WNT3A: variants seen among roughly 807,000 people sequenced by gnomAD.
WNT3A encodes the protein Wnt family member 3A, also known as protein Wnt-3a.
WNT3A carries 17 observed loss-of-function variants against 37.0 expected under a neutral mutation model. The ratio of observed to expected loss-of-function variants is 0.46; its 90% CI spans 0.31 to 0.69. WNT3A has a LOEUF of 0.69. Ranked by LOEUF, WNT3A falls within the 30% of genes least tolerant of loss-of-function variation. WNT3A has a pLI of 0.05. For synonymous variants in WNT3A, 187 were observed against 211.0 expected, an observed-to-expected ratio of 0.89 and a Z score of 0.99; for missense variants, 411 against 510.2, an observed-to-expected ratio of 0.81 and a Z score of 1.87.
intron 2 of WNT3A, among the ~76,000 whole-genome samples, chr1:228,026,844 C>CTTTAT (rs1203155551): frequency 6.6e-6 from 1 of 152,080 alleles, no homozygotes; most frequent in East Asian, 1.9e-4. Flanking sequence ...ACCACATTTT[C>CTTTAT]TTTATTTTAT....
intron 2 of WNT3A, among the ~76,000 whole-genome samples, chr1:228,048,202 C>G (rs2031468119): frequency 6.6e-6 from 1 of 152,214 alleles, no homozygotes; most frequent in Non-Finnish European, 1.5e-5. Context: ...CTCCTTCTAT[C>G]CCCATAGAGA....
At chr1:228,049,061 C>T (rs750859031) in intron 2 of WNT3A, among the ~76,000 whole-genome samples, 1 of 152,244 alleles carries the variant, frequency 6.6e-6, no homozygotes, top group Non-Finnish European at 1.5e-5. Context: ...CAGCGGCAGA[C>T]ACCCTGCAGC....
chr1:228,058,895 C>A, intron 3 of WNT3A, 91 bp from the exon 4 acceptor site: 1 of 1,298,436 alleles, frequency 7.7e-7, no homozygotes, highest in Non-Finnish European at 1.0e-6. Flanking sequence ...CTTTATGGAG[C>A]AGGTAGGCTG....
chr1:228,026,128 A>G (rs1378300726), intron 2 of WNT3A, among the ~76,000 whole-genome samples: 6 of 111,214 alleles, frequency 5.4e-5, no homozygotes, highest in African/African-American at 2.2e-4. Flanking sequence ...TTTTTAATCA[A>G]GAAATACATT....
intron 2 of WNT3A, among the ~76,000 whole-genome samples, chr1:228,026,965 C>G (rs753164591): frequency 7.2e-5 from 11 of 152,236 alleles, no homozygotes; most frequent in Admixed American, 1.3e-4. Flanking sequence ...GCCTCAGCCT[C>G]CCGAGTAGCT....
chr1:228,051,575 T>C (rs755265185), intron 3 of WNT3A, among the ~76,000 whole-genome samples: 1 of 152,208 alleles, frequency 6.6e-6, no homozygotes, highest in South Asian at 2.1e-4. Context: ...TACTAGCAGA[T>C]ACCTTGTCCG....
At chr1:228,040,701 G>A (rs1028209807) in intron 2 of WNT3A, among the ~76,000 whole-genome samples, 1 of 151,828 alleles carries the variant, frequency 6.6e-6, no homozygotes, top group African/African-American at 2.4e-5. Context: ...GGCTAACACG[G>A]TGAAACCCTT....
intron 1 of WNT3A, among the ~76,000 whole-genome samples, chr1:228,009,752 T>G (rs778084501): frequency 1.1e-4 from 17 of 152,116 alleles, no homozygotes; most frequent in Non-Finnish European, 2.5e-4. Flanking sequence ...TAATTAGGCT[T>G]TTGAAGTTGG....
intron 1 of WNT3A, among the ~76,000 whole-genome samples, chr1:228,021,104 C>G (rs1434982397): frequency 6.6e-6 from 1 of 152,170 alleles, no homozygotes; most frequent in African/African-American, 2.4e-5. Flanking sequence ...GTGAAGCACT[C>G]ACATAACCAA....
rs1034729784 is a variant in WNT3A, at chr1:228,033,284, G to GT, written c.313+10384dup. Among the ~76,000 whole-genome samples the GT allele has an allele frequency of 3.9e-5, 6 of 151,924 alleles. No homozygotes were observed. In the East Asian group the frequency reaches 5.8e-4, roughly 15 times the overall value. On this transcript the variant is annotated intron_variant, in intron 2 of 3. Coordinates refer to ENST00000284523, the MANE Select transcript of WNT3A (RefSeq NM_033131.4). ...CTCACAAAGATCTACTCTTCATTAG[G>GT]TTTTTTTTAAATAAGAGTTTTAGCG...
At chr1:228,055,158 CAAAAAAAAAAAA>C (rs34263332) in intron 3 of WNT3A, among the ~76,000 whole-genome samples, 1 of 15,768 alleles carries the variant, frequency 6.3e-5, no homozygotes, top group East Asian at 2.2e-3. Flanking sequence ...AACTCCGTCC[CAAAAAAAAAAAA>C]AAAAAAAAAA....
chr1:228,054,348 G>A (rs2031621243), intron 3 of WNT3A, among the ~76,000 whole-genome samples: 1 of 152,154 alleles, frequency 6.6e-6, no homozygotes, highest in African/African-American at 2.4e-5. Flanking sequence ...ATGTTGGCTG[G>A]GCGTGGTGGC....
chr1:228,030,706 T>C (rs979568765), intron 2 of WNT3A, among the ~76,000 whole-genome samples: 2 of 152,234 alleles, frequency 1.3e-5, no homozygotes, highest in African/African-American at 4.8e-5. Context: ...ACACTGAGCA[T>C]GATGCCCCCT....
chr1:228,046,914 C>T (rs1048147997), intron 2 of WNT3A, among the ~76,000 whole-genome samples: 4 of 152,054 alleles, frequency 2.6e-5, no homozygotes, highest in South Asian at 4.1e-4. Context: ...CACGCATGTG[C>T]GCATGTGGCT....
At chr1:228,057,820 A>C (rs1307214602) in intron 3 of WNT3A, among the ~76,000 whole-genome samples, 8 of 152,186 alleles carry the variant, frequency 5.3e-5, no homozygotes, top group Non-Finnish European at 1.5e-5. Context: ...AGGTAAAACA[A>C]GTTTTTTTGG....
rs759222295 is a variant in WNT3A at position 228,059,122 on chromosome 1, C to T, written c.716C>T (p.Ser239Leu). ...DFLKDKYDSA[S>L]EMVVEKHRES... ...CTCAAGGACAAGTACGACAGCGCCT[C>T]GGAGATGGTGGTGGAGAAGCACCGG... The change falls in exon 4 of 4, where the codon TCG becomes TTG. Residue 239 changes from serine to leucine, a missense_variant. Coordinates refer to ENST00000284523, the MANE Select transcript of WNT3A (RefSeq NM_033131.4). 2 of 1,613,738 alleles carry T rather than the reference C, an allele frequency of 1.2e-6. No individual in the cohort carries two copies. The highest frequency in any genetic ancestry group is 1.7e-6 in the Non-Finnish European group (2 of 1,179,990).
At chr1:228,045,641 C>T (rs1039121146) in intron 2 of WNT3A, among the ~76,000 whole-genome samples, 6 of 152,172 alleles carry the variant, frequency 3.9e-5, no homozygotes, top group Non-Finnish European at 8.8e-5. Context: ...CCCTCCAGGC[C>T]TGTCTGTGAA....
chr1:228,023,051 G>C, intron 2 of WNT3A, 143 bp downstream of exon 2: 1 of 1,347,074 alleles, frequency 7.4e-7, no homozygotes, highest in Non-Finnish European at 9.9e-7. Flanking sequence ...TTACCTCCAG[G>C]AGGACGGTCT....
intron 1 of WNT3A, among the ~76,000 whole-genome samples, chr1:228,010,884 G>A (rs1016226161): frequency 1.3e-5 from 2 of 152,194 alleles, no homozygotes; most frequent in African/African-American, 4.8e-5. Flanking sequence ...AGAAGATGTA[G>A]GCCCTTTCAG....
Sources: gnomAD v4.1 joint callset for allele counts (sites outside exome capture counted in the v4.1 genomes callset) on GRCh38, gnomAD v4.1.1 for gene constraint, MANE v1.5 for transcripts, NCBI Gene and HGNC (gene_info 2026-07-23, HGNC 2026-07-21) for gene names.